FRMD4A: variants seen among roughly 807,000 people sequenced by gnomAD.
FRMD4A encodes FERM domain-containing protein 4A.
Under a neutral mutation model 129.1 loss-of-function variants are expected in FRMD4A, and 29 were observed. That is an observed-to-expected ratio of 0.22 (90% CI 0.17 to 0.31). The LOEUF (loss-of-function observed/expected upper bound fraction) is 0.31. FRMD4A is among the 10% of genes least tolerant of loss of function. FRMD4A has a pLI of 1.00. For synonymous variants in FRMD4A, 634 were observed against 571.6 expected (o/e 1.11, Z -1.56); for missense variants, 1,272 against 1,375.8 (o/e 0.92, Z 1.19).
intron 2 of FRMD4A, among the ~76,000 whole-genome samples, chr10:14,005,317 C>G (rs2095658505): frequency 6.6e-6 from 1 of 152,162 alleles, no homozygotes; most frequent in East Asian, 1.9e-4. Flanking sequence ...CCATCACACC[C>G]AGTCCATTTT....
chr10:14,145,140 A>G (rs7901273), intron 2 of FRMD4A, among the ~76,000 whole-genome samples: 101,783 of 152,018 alleles, frequency 0.67, 34,664 homozygotes, highest in East Asian at 0.8. Flanking sequence ...GTGAGGACAC[A>G]TGCGGAGGCA....
At chr10:14,202,715 T>C (rs952261056) in intron 2 of FRMD4A, among the ~76,000 whole-genome samples, 2 of 152,184 alleles carry the variant, frequency 1.3e-5, no homozygotes, top group African/African-American at 4.8e-5. Flanking sequence ...CTGGTTAGTT[T>C]TGACTTTAGG....
chr10:13,697,448 C>T (rs933316113), intron 14 of FRMD4A, among the ~76,000 whole-genome samples: 3 of 152,082 alleles, frequency 2.0e-5, no homozygotes, highest in South Asian at 2.1e-4. Context: ...GCGCCCGGTC[C>T]GGATTCTTTC....
chr10:14,285,005 G>A (rs571730365), intron 2 of FRMD4A, among the ~76,000 whole-genome samples: 147 of 152,294 alleles, frequency 9.7e-4, no homozygotes, highest in African/African-American at 3.3e-3. Flanking sequence ...AGCCTGATAC[G>A]AAGAAAGTAT....
chr10:14,305,790 G>A (rs961998170), intron 2 of FRMD4A, among the ~76,000 whole-genome samples: 1 of 152,142 alleles, frequency 6.6e-6, no homozygotes, highest in African/African-American at 2.4e-5. Flanking sequence ...GGAATACTAT[G>A]CTGCCATAAA....
chr10:13,833,656 G>A (rs921274245), intron 3 of FRMD4A, among the ~76,000 whole-genome samples: 7 of 152,132 alleles, frequency 4.6e-5, no homozygotes, highest in East Asian at 1.9e-4. Context: ...TCATTGGAGC[G>A]TTGTGAGGAT....
chr10:14,271,482 C>T (rs1026535389), intron 2 of FRMD4A, among the ~76,000 whole-genome samples: 14 of 152,178 alleles, frequency 9.2e-5, no homozygotes, highest in African/African-American at 3.4e-4. Context: ...TGTGGGAAAA[C>T]AGGAGGACCT....
At chr10:14,116,819 T>G (rs779078814) in intron 2 of FRMD4A, among the ~76,000 whole-genome samples, 1 of 152,248 alleles carries the variant, frequency 6.6e-6, no homozygotes, top group Non-Finnish European at 1.5e-5. Flanking sequence ...GAAATGGCTA[T>G]TGGCCTAGCA....
At chr10:14,129,942 C>G (rs149573905) in intron 2 of FRMD4A, among the ~76,000 whole-genome samples, 1 of 152,164 alleles carries the variant, frequency 6.6e-6, no homozygotes, top group Non-Finnish European at 1.5e-5. Context: ...ATGTTCCATT[C>G]CCTCTTCCCT....
chr10:14,240,586 C>A (rs1844007078), intron 2 of FRMD4A, among the ~76,000 whole-genome samples: 1 of 152,102 alleles, frequency 6.6e-6, no homozygotes, highest in Non-Finnish European at 1.5e-5. Flanking sequence ...AGATTCGGAT[C>A]CCCTCACAAA....
At chr10:13,951,572 A>C (rs2095370620) in intron 2 of FRMD4A, among the ~76,000 whole-genome samples, 1 of 152,062 alleles carries the variant, frequency 6.6e-6, no homozygotes, top group Non-Finnish European at 1.5e-5. Flanking sequence ...GACAGGACAA[A>C]TGTTAAGGTG....
intron 2 of FRMD4A, among the ~76,000 whole-genome samples, chr10:13,948,315 G>A (rs931812048): frequency 1.3e-5 from 2 of 151,848 alleles, no homozygotes; most frequent in African/African-American, 4.8e-5. Context: ...GCCTCCCAAA[G>A]TGCTGGGATT....
At chr10:13,765,506 G>A (rs11592208) in intron 6 of FRMD4A, among the ~76,000 whole-genome samples, 32,063 of 152,120 alleles carry the variant, frequency 0.21, 4,439 homozygotes, top group Non-Finnish European at 0.3. Flanking sequence ...TGGATCTTTT[G>A]AAGGAGAGAT....
At chr10:14,248,564 G>A (rs1220694016) in intron 2 of FRMD4A, among the ~76,000 whole-genome samples, 3 of 152,146 alleles carry the variant, frequency 2.0e-5, no homozygotes, top group African/African-American at 4.8e-5. Flanking sequence ...TTCCCAAGCT[G>A]TAAATGAATA....
intron 3 of FRMD4A, among the ~76,000 whole-genome samples, chr10:13,856,016 A>ATCTATCTATCTATCATCTATCTG (rs2094207040): frequency 4.5e-5 from 1 of 22,118 alleles, no homozygotes; most frequent in African/African-American, 1.2e-4. Context: ...CACAAATACT[A>ATCTATCTATCTATCATCTATCTG]TCTATCTATC....
intron 2 of FRMD4A, among the ~76,000 whole-genome samples, chr10:13,878,701 C>T (rs370746451): frequency 2.6e-5 from 4 of 151,208 alleles, no homozygotes; most frequent in Admixed American, 6.6e-5. Context: ...TGCAGTGAGC[C>T]GAGATCACGC....
rs199577466 is a variant in FRMD4A, at chr10:13,702,587, GT to G, written c.837-1110del. On this transcript the variant is annotated intron_variant, in intron 13 of 24. Transcript: ENST00000357447. The stretch of plus-strand genomic sequence containing the variant: ...GTGTGTGCGCATGCATGTGAGACAA[GT>G]TGACAGGAAGGTGGGCTGGGATTTG... 8.1e-3 allele frequency among the ~76,000 whole-genome samples: 1,230 copies of G among 151,874 alleles called. 10 individuals are homozygous for G. The highest frequency in any genetic ancestry group is 0.027 in the African/African-American group (1,102 of 41,430).
At chr10:14,228,066 G>A (rs541583926) in intron 2 of FRMD4A, among the ~76,000 whole-genome samples, 2 of 152,064 alleles carry the variant, frequency 1.3e-5, no homozygotes, top group Non-Finnish European at 2.9e-5. Context: ...TAGAGACAGG[G>A]TTTCACCATG....
chr10:13,810,949 G>C (rs971645340), intron 3 of FRMD4A, 41 bp from the exon 4 acceptor site: 7 of 1,006,012 alleles, frequency 7.0e-6, no homozygotes, highest in East Asian at 4.9e-5. Context: ...AGTGATGAGA[G>C]ACTGCTTTTC....
Sources: gnomAD v4.1 joint callset for allele counts (sites outside exome capture counted in the v4.1 genomes callset) on GRCh38, gnomAD v4.1.1 for gene constraint, MANE v1.5 for transcripts, NCBI Gene and HGNC (gene_info 2026-07-23, HGNC 2026-07-21) for gene names.